The following GAS7 variants were observed in gnomAD, a reference collection of about 807,000 sequenced individuals.
The protein encoded by GAS7 is growth arrest specific 7, also known as growth arrest-specific protein 7.
Under a neutral mutation model 71.1 loss-of-function variants are expected in GAS7, and 28 were observed. The observed-to-expected ratio is 0.39, with a 90% CI of 0.29 to 0.54. The LOEUF is 0.54. GAS7 is among the 20% of genes least tolerant of loss of function. The pLI is 0.62. For missense variants in GAS7, 436 were observed against 627.8 expected (o/e 0.69, Z 3.27); for synonymous variants, 258 against 245.8 (o/e 1.05, Z -0.46).
At chr17:10,022,330 G>A (rs2072302033) in intron 1 of GAS7, among the ~76,000 whole-genome samples, 1 of 152,184 alleles carries the variant, frequency 6.6e-6, no homozygotes, top group South Asian at 2.1e-4. Context: ...GGGGCAAGAT[G>A]CCAGGTGTCC....
chr17:10,004,784 G>A (rs979461205), intron 2 of GAS7, among the ~76,000 whole-genome samples: 2 of 152,268 alleles, frequency 1.3e-5, no homozygotes, highest in African/African-American at 4.8e-5. Flanking sequence ...GGCCAAGGAG[G>A]GCAGATCACG....
At chr17:9,956,766 C>T (rs1165824271) in intron 5 of GAS7, among the ~76,000 whole-genome samples, 1 of 152,206 alleles carries the variant, frequency 6.6e-6, no homozygotes, top group Admixed American at 6.5e-5. Context: ...GAAATTTCTG[C>T]TCTGCGGGAT....
chr17:10,098,872 C>T (rs912841496), intron 1 of GAS7, among the ~76,000 whole-genome samples: 1 of 152,118 alleles, frequency 6.6e-6, no homozygotes, highest in Non-Finnish European at 1.5e-5. Context: ...GGCAGAATGG[C>T]GTGAACCCGG....
In GAS7 at chr17:9,981,040, C is replaced by T. The variant is rs1485246682; in HGVS notation, c.385+764G>A. ...GGCGCGGTGGCTCACACCTTTAATC[C>T]CAGCACTTTGAGAGGCCAAAACAGG... On this transcript the variant is annotated intron_variant, in intron 3 of 13. Coordinates refer to ENST00000432992, the MANE Select transcript of GAS7 (RefSeq NM_201433.2). This position sits in a 1 kb window ranked among gnomAD's most constrained non-coding sequence, Gnocchi z 4.4. Among the ~76,000 whole-genome samples, 2 of 152,082 alleles carry T rather than the reference C, an allele frequency of 1.3e-5. No individual in the cohort carries two copies. The highest frequency in any genetic ancestry group is 3.9e-4 in the East Asian group (2 of 5,172).
At chr17:9,964,540 A>AT (rs924949130) in intron 4 of GAS7, among the ~76,000 whole-genome samples, 1 of 152,172 alleles carries the variant, frequency 6.6e-6, no homozygotes, top group African/African-American at 2.4e-5. Flanking sequence ...GCCTCCAGGC[A>AT]TCCACGATGC....
chr17:9,912,961 G>C lies in GAS7; in HGVS notation c.*4267C>G, dbSNP rs569842367. The C allele has an allele frequency of 8.6e-6, 2 of 232,830 alleles. No homozygotes were observed. Among genetic ancestry groups the C allele is most frequent in the Non-Finnish European group, 1.7e-5 (2 of 117,868 alleles). The allele number at this position is 232,830 out of a possible 1,614,324, so 14.4% of individuals were successfully genotyped here. On this transcript the variant is annotated 3_prime_UTR_variant, in exon 14 of 14. Transcript: ENST00000432992. ...GGGAAAGATGCCAGACTCAAAAGGC[G>C]ACATCAGTGTGACTCCATTTATATG...
intron 1 of GAS7, among the ~76,000 whole-genome samples, chr17:10,080,170 C>T (rs1330549216): frequency 6.6e-6 from 1 of 152,182 alleles, no homozygotes; most frequent in Admixed American, 6.5e-5. Context: ...ACCAAGATGG[C>T]AACAAAACTG....
At chr17:9,924,033 T>C (rs2067910554) in intron 11 of GAS7, among the ~76,000 whole-genome samples, 1 of 152,224 alleles carries the variant, frequency 6.6e-6, no homozygotes, top group African/African-American at 2.4e-5. Flanking sequence ...GTTCAGAAGA[T>C]AGATTGTATG....
In GAS7 at chr17:10,103,982, T is replaced by G. The variant is rs57047349; in HGVS notation, c.184-84085A>C. ...AGTAACTCCTCCTACCAAAGGCAAC[T>G]TACCTGCTTTCTACCGATCAGCACA... On this transcript the variant is annotated intron_variant, in intron 1 of 13. Transcript: ENST00000432992. This position sits in a 1 kb window ranked among gnomAD's most constrained non-coding sequence, Gnocchi z 5.5. Among the ~76,000 whole-genome samples, 635 of 152,258 alleles carry G rather than the reference T, an allele frequency of 4.2e-3. 3 individuals carry two copies. Among genetic ancestry groups the G allele is most frequent in the African/African-American group, 0.015 (611 of 41,542 alleles).
chr17:10,119,370 G>A (rs886285349), intron 1 of GAS7, among the ~76,000 whole-genome samples: 3 of 152,194 alleles, frequency 2.0e-5, no homozygotes, highest in Non-Finnish European at 4.4e-5. Context: ...CGTGGGCCTG[G>A]CCCAGGCCCT....
intron 2 of GAS7, among the ~76,000 whole-genome samples, chr17:10,017,409 A>C (rs145493236): frequency 6.6e-6 from 1 of 151,386 alleles, no homozygotes; most frequent in African/African-American, 2.4e-5. Context: ...GCTCACTGCA[A>C]CTTCCACCTC....
At chr17:10,186,346 G>A (rs12948698) in intron 1 of GAS7, among the ~76,000 whole-genome samples, 24,105 of 150,400 alleles carry the variant, frequency 0.16, 2,474 homozygotes, top group Middle Eastern at 0.25. Context: ...TAGTGATATT[G>A]TACAGCTAGG....
chr17:10,140,565 G>A (rs577851224), intron 1 of GAS7, among the ~76,000 whole-genome samples: 20 of 152,248 alleles, frequency 1.3e-4, no homozygotes, highest in East Asian at 1.9e-4. Context: ...CTATATGCAC[G>A]TATGTCTATA....
chr17:9,942,498 TTTA>T (rs138485637), intron 7 of GAS7, among the ~76,000 whole-genome samples: 15,584 of 152,118 alleles, frequency 0.1, 834 homozygotes, highest in South Asian at 0.13. Context: ...TTGGGCTGAA[TTTA>T]TTGTTTCTTC....
At chr17:10,047,408 G>A (rs2072993344) in intron 1 of GAS7, among the ~76,000 whole-genome samples, 1 of 152,176 alleles carries the variant, frequency 6.6e-6, no homozygotes, top group Non-Finnish European at 1.5e-5. Context: ...TAGCTGTGAG[G>A]GGAAGTCAAC....
At chr17:9,920,812 TA>T (rs1204436942) in intron 11 of GAS7, among the ~76,000 whole-genome samples, 8 of 152,262 alleles carry the variant, frequency 5.3e-5, no homozygotes, top group African/African-American at 1.9e-4. Flanking sequence ...CAAAGTGAAG[TA>T]ATTTTCTCTA....
chr17:10,088,669 G>C (rs1430822530), intron 1 of GAS7, among the ~76,000 whole-genome samples: 1 of 152,160 alleles, frequency 6.6e-6, no homozygotes, highest in Non-Finnish European at 1.5e-5. Context: ...CAATTATACA[G>C]GGCGAGCTGC....
chr17:10,024,040 C>T (rs2072372131), intron 1 of GAS7, among the ~76,000 whole-genome samples: 1 of 152,182 alleles, frequency 6.6e-6, no homozygotes, highest in Admixed American at 6.5e-5. Flanking sequence ...AGGAAAATCA[C>T]TTGAACCTGG....
intron 1 of GAS7, among the ~76,000 whole-genome samples, chr17:10,154,505 A>G (rs1395489008): frequency 6.6e-6 from 1 of 151,560 alleles, no homozygotes; most frequent in Non-Finnish European, 1.5e-5. Flanking sequence ...CCTTGTCTCA[A>G]GAAAAACAAA....
Sources: allele counts gnomAD v4.1 joint callset (sites outside exome capture counted in the v4.1 genomes callset), GRCh38; gene constraint gnomAD v4.1.1; non-coding constraint Gnocchi (gnomAD v3.1); transcripts MANE v1.5; gene names NCBI Gene and HGNC (gene_info 2026-07-23, HGNC 2026-07-21).